MYT1L: variants seen among roughly 807,000 people sequenced by gnomAD.
The protein encoded by MYT1L is myelin transcription factor 1-like protein.
In MYT1L, 12 loss-of-function variants were observed where a neutral mutation model predicts 126.7. The observed-to-expected ratio is 0.09, with a 90% confidence interval of 0.06 to 0.15. The LOEUF (loss-of-function observed/expected upper bound fraction) is 0.15. MYT1L is among the 10% of genes least tolerant of loss of function. MYT1L has a pLI of 1.00. For synonymous variants in MYT1L, 541 were observed against 604.2 expected, an observed-to-expected ratio of 0.90 and a Z score of 1.53; for missense variants, 979 against 1,585.2, an observed-to-expected ratio of 0.62 and a Z score of 6.49.
intron 13 of MYT1L, among the ~76,000 whole-genome samples, chr2:1,908,012 C>A (rs2051327754): frequency 6.6e-6 from 1 of 152,256 alleles, no homozygotes; most frequent in Non-Finnish European, 1.5e-5. Context: ...CGAGACCTCG[C>A]ACTGCAGTGA....
intron 3 of MYT1L, among the ~76,000 whole-genome samples, chr2:2,146,930 G>A (rs914044103): frequency 6.6e-6 from 1 of 152,204 alleles, no homozygotes; most frequent in African/African-American, 2.4e-5. Context: ...TTGTTCCACA[G>A]AGCAGAAAGG....
At chr2:1,831,263 G>A (rs915777609) in intron 21 of MYT1L, among the ~76,000 whole-genome samples, 1 of 152,186 alleles carries the variant, frequency 6.6e-6, no homozygotes, top group Non-Finnish European at 1.5e-5. Flanking sequence ...CCCCAGTGCA[G>A]TTACAGCCAC....
intron 21 of MYT1L, among the ~76,000 whole-genome samples, chr2:1,815,588 C>T (rs914584205): frequency 1.3e-5 from 2 of 152,186 alleles, no homozygotes; most frequent in Admixed American, 6.5e-5. Flanking sequence ...CAAGAGGGGC[C>T]GAGAGGCCGA....
chr2:1,956,548 TC>T (rs2058459013), intron 8 of MYT1L, among the ~76,000 whole-genome samples: 5 of 147,874 alleles, frequency 3.4e-5, no homozygotes, highest in African/African-American at 1.0e-4. Flanking sequence ...TATCTATCTA[TC>T]ATCTATCCTA....
intron 9 of MYT1L, 80 bp from the exon 10 acceptor site, chr2:1,923,343 G>A: frequency 1.7e-6 from 2 of 1,180,154 alleles, no homozygotes; most frequent in Non-Finnish European, 1.2e-6. Flanking sequence ...GCAACAGCAT[G>A]GATAGCACGT....
chr2:2,194,214 G>A (rs973739903), intron 2 of MYT1L, among the ~76,000 whole-genome samples: 4 of 151,904 alleles, frequency 2.6e-5, no homozygotes, highest in African/African-American at 9.7e-5. Context: ...TAAGTAGCTG[G>A]GACCACAGGC....
At chr2:2,142,563 A>G (rs1295104187) in intron 3 of MYT1L, among the ~76,000 whole-genome samples, 7 of 152,262 alleles carry the variant, frequency 4.6e-5, no homozygotes, top group Admixed American at 4.6e-4. Flanking sequence ...GGAGCTCCAC[A>G]TCCATGCACA....
intron 5 of MYT1L, among the ~76,000 whole-genome samples, chr2:1,982,431 A>C (rs776065420): frequency 1.8e-4 from 28 of 152,230 alleles, no homozygotes; most frequent in Non-Finnish European, 3.1e-4. Context: ...CCGGGGGTGT[A>C]GTGGAAGTTT....
chr2:2,314,074 C>T (rs2096021286), intron 1 of MYT1L, among the ~76,000 whole-genome samples: 1 of 152,028 alleles, frequency 6.6e-6, no homozygotes, highest in South Asian at 2.1e-4. Context: ...TTTTGCGTAC[C>T]ATGAGATCAA....
At chr2:2,273,220 C>T (rs190685120) in intron 2 of MYT1L, among the ~76,000 whole-genome samples, 7 of 152,292 alleles carry the variant, frequency 4.6e-5, no homozygotes, top group African/African-American at 1.7e-4. Flanking sequence ...GACCTTTCGG[C>T]CCTGGTCCTG....
chr2:2,069,139 G>A (rs934360082), intron 3 of MYT1L, among the ~76,000 whole-genome samples: 13 of 151,914 alleles, frequency 8.6e-5, no homozygotes, highest in South Asian at 2.1e-4. Flanking sequence ...TTGTTACACA[G>A]GCATACATGT....
intron 3 of MYT1L, among the ~76,000 whole-genome samples, chr2:2,143,309 A>G (rs1203927998): frequency 2.0e-5 from 3 of 149,762 alleles, no homozygotes; most frequent in South Asian, 2.1e-4. Context: ...AAAAAAAAAA[A>G]GTTGTAGATT....
At chr2:2,281,046 T>C (rs1239755366) in intron 2 of MYT1L, among the ~76,000 whole-genome samples, 1 of 152,234 alleles carries the variant, frequency 6.6e-6, no homozygotes, top group East Asian at 1.9e-4. Context: ...TCTTGAATTG[T>C]AGTTCCCATA....
intron 18 of MYT1L, among the ~76,000 whole-genome samples, chr2:1,878,497 C>T (rs373997842): frequency 1.3e-5 from 2 of 152,206 alleles, no homozygotes; most frequent in Non-Finnish European, 2.9e-5. Context: ...GTAAAAACCA[C>T]ACAAAGAACA....
chr2:1,803,557 TAA>T (rs2035210925), intron 22 of MYT1L, among the ~76,000 whole-genome samples: 1 of 152,202 alleles, frequency 6.6e-6, no homozygotes, highest in Admixed American at 6.5e-5. Context: ...TAAATCCAAA[TAA>T]AAGTCTTGAT....
chr2:2,195,258 T>A (rs1276840933), intron 2 of MYT1L, among the ~76,000 whole-genome samples: 2 of 152,174 alleles, frequency 1.3e-5, no homozygotes, highest in African/African-American at 4.8e-5. Flanking sequence ...GGGCATAAGC[T>A]TAAGATTCAT....
intron 13 of MYT1L, among the ~76,000 whole-genome samples, chr2:1,909,308 G>A (rs2051545181): frequency 6.6e-6 from 1 of 152,020 alleles, no homozygotes; most frequent in South Asian, 2.1e-4. Flanking sequence ...GTGTATTATT[G>A]CCCTCTCTTT....
At chr2:2,153,504 T>G (rs1463310928) in intron 3 of MYT1L, among the ~76,000 whole-genome samples, 1 of 151,514 alleles carries the variant, frequency 6.6e-6, no homozygotes, top group Non-Finnish European at 1.5e-5. Flanking sequence ...AGGGCTCATG[T>G]GGGGGCGCAG....
chr2:1,993,206 G>C (rs1239548592), intron 5 of MYT1L, among the ~76,000 whole-genome samples: 1 of 152,194 alleles, frequency 6.6e-6, no homozygotes, highest in Non-Finnish European at 1.5e-5. Context: ...CCGTCTTGGT[G>C]AATCAGCTCT....
Sources: allele counts gnomAD v4.1 joint callset (sites outside exome capture counted in the v4.1 genomes callset), GRCh38; gene constraint gnomAD v4.1.1; transcripts MANE v1.5; gene names NCBI Gene and HGNC (gene_info 2026-07-23, HGNC 2026-07-21).